IQCM: variants seen among roughly 807,000 people sequenced by gnomAD.
IQCM encodes the protein IQ motif containing M.
IQCM carries 45 observed loss-of-function variants against 57.6 expected under a neutral mutation model. That is an observed-to-expected ratio of 0.78 (90% CI 0.62 to 1.00). IQCM has a LOEUF of 1.00. Ranked by LOEUF, IQCM falls within the 50% of genes least tolerant of loss-of-function variation. IQCM has a pLI of 0.00. For synonymous variants in IQCM, 148 were observed against 158.9 expected, an observed-to-expected ratio of 0.93 and a Z score of 0.51; for missense variants, 468 against 511.6, an observed-to-expected ratio of 0.91 and a Z score of 0.82.
intron 2 of IQCM, among the ~76,000 whole-genome samples, chr4:149,746,416 A>G (rs540123264): frequency 6.6e-6 from 1 of 152,282 alleles, no homozygotes; most frequent in Admixed American, 6.5e-5. Flanking sequence ...GGGACTGCTG[A>G]AATAGCTTCT....
intron 10 of IQCM, among the ~76,000 whole-genome samples, chr4:149,559,178 A>T (rs905001163): frequency 6.6e-6 from 1 of 152,178 alleles, no homozygotes; most frequent in Non-Finnish European, 1.5e-5. Context: ...CTGAAAAAGC[A>T]TACTAGTTGT....
chr4:149,372,474 G>T (rs901610976), intron 13 of IQCM, among the ~76,000 whole-genome samples: 1 of 151,918 alleles, frequency 6.6e-6, no homozygotes, highest in Admixed American at 6.6e-5. Flanking sequence ...AACCTGTAGG[G>T]TAGCCCCATA....
At chr4:149,424,806 A>C (rs1734354407) in intron 13 of IQCM, among the ~76,000 whole-genome samples, 1 of 151,890 alleles carries the variant, frequency 6.6e-6, no homozygotes, top group African/African-American at 2.4e-5. Flanking sequence ...TTTCACTACA[A>C]TGCTGTAATT....
intron 2 of IQCM, among the ~76,000 whole-genome samples, chr4:149,775,321 A>T (rs1045059634): frequency 6.6e-6 from 1 of 152,316 alleles, no homozygotes; most frequent in East Asian, 1.9e-4. Flanking sequence ...AAGACAAAAA[A>T]AAAAGTAGTG....
In IQCM at chr4:149,433,410, C is replaced by A. The variant is rs900365281; in HGVS notation, c.1376G>T (p.Gly459Val). 9 of 1,223,048 alleles carry A rather than the reference C, an allele frequency of 7.4e-6. No individual in the cohort carries two copies. The highest frequency in any genetic ancestry group is 3.2e-5 in the East Asian group (1 of 31,534). The allele number at this position is 1,223,048 out of a possible 1,614,324, so 75.8% of individuals were successfully genotyped here. ...CAATATCTTACCTATATATCTATAACCTTCTTCCCCATTTACTATGGGTCT... is the reference window on the plus strand; with the variant it reads ...CAATATCTTACCTATATATCTATAAACTTCTTCCCCATTTACTATGGGTCT... Reference protein sequence around the residue: ...WLRPIVNGEEGYRYIVNGHPA... With the variant: ...WLRPIVNGEEVYRYIVNGHPA... The change falls in exon 13 of 14, where the codon GGT becomes GTT. Residue 459 changes from glycine (G) to valine (V), a missense_variant. By Grantham distance (109) the Gly-to-Val change is moderately radical (BLOSUM62 -3). Coordinates refer to ENST00000636793, the MANE Select transcript of IQCM (RefSeq NM_001363507.2).
intron 9 of IQCM, among the ~76,000 whole-genome samples, chr4:149,568,500 AT>A (rs1640556898): frequency 6.6e-6 from 1 of 152,186 alleles, no homozygotes; most frequent in Non-Finnish European, 1.5e-5. Flanking sequence ...TAAAATATTA[AT>A]AAAGCCAGGT....
intron 5 of IQCM, among the ~76,000 whole-genome samples, chr4:149,688,644 G>A (rs1453633276): frequency 7.9e-5 from 12 of 151,670 alleles, no homozygotes; most frequent in East Asian, 1.9e-4. Context: ...CTGCATAACC[G>A]AAGCAAGACT....
chr4:149,737,842 C>CT (rs1767083256), intron 3 of IQCM: 1 of 152,184 alleles, frequency 6.6e-6, no homozygotes, highest in Non-Finnish European at 1.5e-5. Flanking sequence ...ACAACCTGCC[C>CT]TCCTTTTCCT....
intron 13 of IQCM, among the ~76,000 whole-genome samples, chr4:149,384,478 G>A (rs1199645021): frequency 1.3e-5 from 2 of 152,090 alleles, no homozygotes; most frequent in East Asian, 3.9e-4. Context: ...AGAGTAGTTG[G>A]CATAAGAATA....
intron 9 of IQCM, among the ~76,000 whole-genome samples, chr4:149,570,041 A>T (rs1751010228): frequency 4.6e-5 from 7 of 152,008 alleles, no homozygotes; most frequent in Admixed American, 4.6e-4. Flanking sequence ...TTGAGGGGGA[A>T]AAAGTCCTAA....
chr4:149,705,813 T>A (rs1458480647), intron 5 of IQCM, among the ~76,000 whole-genome samples: 1 of 151,928 alleles, frequency 6.6e-6, no homozygotes, highest in Non-Finnish European at 1.5e-5. Context: ...ATACTTTCTG[T>A]TCTTTCTGAA....
At chr4:149,466,571 C>A (rs1475422864) in intron 12 of IQCM, among the ~76,000 whole-genome samples, 1 of 152,166 alleles carries the variant, frequency 6.6e-6, no homozygotes, top group Non-Finnish European at 1.5e-5. Flanking sequence ...AAAATGCAGA[C>A]AGCCATGATA....
intron 12 of IQCM, among the ~76,000 whole-genome samples, chr4:149,477,347 T>G (rs1299669394): frequency 1.3e-5 from 2 of 152,094 alleles, no homozygotes; most frequent in African/African-American, 2.4e-5. Context: ...CTATGATCTC[T>G]CAGGGCCTTG....
chr4:149,781,310 G>A (rs1458519459), intron 2 of IQCM, among the ~76,000 whole-genome samples: 4 of 152,126 alleles, frequency 2.6e-5, no homozygotes, highest in Admixed American at 6.5e-5. Context: ...TAATTTAGAA[G>A]TTTTAAATTG....
At chr4:149,539,298 T>C (rs1275231455) in intron 12 of IQCM, among the ~76,000 whole-genome samples, 1 of 152,136 alleles carries the variant, frequency 6.6e-6, no homozygotes, top group Non-Finnish European at 1.5e-5. Flanking sequence ...AAGCCAGTCA[T>C]AGTAGACTAC....
intron 2 of IQCM, among the ~76,000 whole-genome samples, chr4:149,795,094 A>G (rs888516754): frequency 6.6e-6 from 1 of 152,214 alleles, no homozygotes; most frequent in Middle Eastern, 3.2e-3. Flanking sequence ...TGAAAATTAT[A>G]TCTAAAATTT....
intron 2 of IQCM, among the ~76,000 whole-genome samples, chr4:149,806,934 A>G (rs561168324): frequency 2.0e-5 from 3 of 152,020 alleles, no homozygotes; most frequent in Admixed American, 1.3e-4. Context: ...TAGCTACAAA[A>G]CAGGAATAAA....
chr4:149,726,071 A>AAAAGAAAGAAAGAAAGAAAGAAAGAAAG (rs529190046), intron 5 of IQCM, among the ~76,000 whole-genome samples: 2 of 94,748 alleles, frequency 2.1e-5, no homozygotes, highest in Admixed American at 1.2e-4. Context: ...TCTTCCCTCT[A>AAAAGAAAGAAAGAAAGAAAGAAAGAAAG]AAAGAAAGAA....
chr4:149,609,366 G>A (rs1008521914), intron 8 of IQCM, among the ~76,000 whole-genome samples: 11 of 151,720 alleles, frequency 7.3e-5, no homozygotes, highest in African/African-American at 2.7e-4. Flanking sequence ...AAATTGAGGA[G>A]AGAATACTTC....
Sources: gnomAD v4.1 joint callset for allele counts (sites outside exome capture counted in the v4.1 genomes callset) on GRCh38, gnomAD v4.1.1 for gene constraint, MANE v1.5 for transcripts, NCBI Gene and HGNC (gene_info 2026-07-23, HGNC 2026-07-21) for gene names.